LRP1B: variants seen among roughly 807,000 people sequenced by gnomAD.
The protein encoded by LRP1B is LDL receptor related protein 1B.
A neutral mutation model predicts 556.6 loss-of-function variants in LRP1B; 217 were observed. The ratio of observed to expected loss-of-function variants is 0.39; its 90% CI spans 0.35 to 0.44. The LOEUF is 0.44. Ranked by LOEUF, LRP1B falls within the 20% of genes least tolerant of loss-of-function variation. The pLI, the probability that LRP1B is intolerant of heterozygous loss-of-function variation, is 1.00. For missense variants in LRP1B, 5,053 were observed against 5,620.8 expected (o/e 0.90, Z 3.23); for synonymous variants, 2,047 against 1,865.8 (o/e 1.10, Z -2.50).
intron 3 of LRP1B, among the ~76,000 whole-genome samples, chr2:141,420,072 C>T (rs1242731243): frequency 2.6e-5 from 4 of 152,102 alleles, no homozygotes; most frequent in African/African-American, 7.2e-5. Flanking sequence ...TTATTGATCT[C>T]CTGTCTGGAT....
At chr2:140,647,075 A>T (rs1684510879) in intron 41 of LRP1B, among the ~76,000 whole-genome samples, 1 of 152,174 alleles carries the variant, frequency 6.6e-6, no homozygotes, top group African/African-American at 2.4e-5. Context: ...CAATTAAATG[A>T]AATAATTCCC....
At chr2:141,354,790 GA>G (rs1688567405) in intron 3 of LRP1B, among the ~76,000 whole-genome samples, 1 of 151,364 alleles carries the variant, frequency 6.6e-6, no homozygotes, top group Non-Finnish European at 1.5e-5. Context: ...AAAAAAAACT[GA>G]AAAAAATTTA....
chr2:140,878,863 T>C (rs1472465153), intron 25 of LRP1B, among the ~76,000 whole-genome samples: 1 of 151,704 alleles, frequency 6.6e-6, no homozygotes, highest in African/African-American at 2.4e-5. Context: ...AAACATTGGC[T>C]GGGCGTGGTG....
chr2:141,820,192 A>G (rs1417155027), intron 1 of LRP1B, among the ~76,000 whole-genome samples: 1 of 152,246 alleles, frequency 6.6e-6, no homozygotes, highest in African/African-American at 2.4e-5. Context: ...TCAGACTTTT[A>G]CAATAGCTGG....
At chr2:141,490,320 C>A (rs113390074) in intron 2 of LRP1B, among the ~76,000 whole-genome samples, 48 of 151,462 alleles carry the variant, frequency 3.2e-4, no homozygotes, top group African/African-American at 1.1e-3. Flanking sequence ...CATCCTTTTA[C>A]TGAAGGGTTT....
At chr2:140,865,974 A>T (rs1692937338) in intron 27 of LRP1B, among the ~76,000 whole-genome samples, 1 of 152,094 alleles carries the variant, frequency 6.6e-6, no homozygotes, top group South Asian at 2.1e-4. Flanking sequence ...ATGCCAATGC[A>T]GGCGAATTAG....
chr2:140,311,897 G>A (rs1348536469), intron 83 of LRP1B, among the ~76,000 whole-genome samples: 1 of 151,788 alleles, frequency 6.6e-6, no homozygotes, highest in East Asian at 1.9e-4. Context: ...GTACATATGT[G>A]ACTTGATATC....
At chr2:140,251,489 A>T (rs1170386391) in intron 86 of LRP1B, among the ~76,000 whole-genome samples, 2 of 151,832 alleles carry the variant, frequency 1.3e-5, no homozygotes, top group Non-Finnish European at 2.9e-5. Flanking sequence ...AAATAATGAG[A>T]TTAATATCTG....
chr2:140,563,327 G>A (rs902119915), intron 43 of LRP1B, among the ~76,000 whole-genome samples: 1 of 152,130 alleles, frequency 6.6e-6, no homozygotes, highest in South Asian at 2.1e-4. Flanking sequence ...ATAGTGCCAT[G>A]AAATAAAATT....
chr2:141,355,960 A>G (rs1351842034), intron 3 of LRP1B, among the ~76,000 whole-genome samples: 1 of 152,124 alleles, frequency 6.6e-6, no homozygotes, highest in Non-Finnish European at 1.5e-5. Context: ...GGAATTACCT[A>G]AATTACCAAA....
chr2:141,262,882 T>A (rs1030345764), intron 3 of LRP1B, among the ~76,000 whole-genome samples: 1 of 152,014 alleles, frequency 6.6e-6, no homozygotes, highest in Non-Finnish European at 1.5e-5. Flanking sequence ...AGATTCTAGG[T>A]CCTTTATATT....
intron 2 of LRP1B, among the ~76,000 whole-genome samples, chr2:141,642,188 G>T (rs763081122): frequency 6.6e-6 from 1 of 152,014 alleles, no homozygotes; most frequent in African/African-American, 2.4e-5. Flanking sequence ...TACACAAATA[G>T]GGAGTCTTAA....
chr2:140,551,172 T>A (rs1680534501), intron 43 of LRP1B, among the ~76,000 whole-genome samples: 1 of 152,182 alleles, frequency 6.6e-6, no homozygotes, highest in Non-Finnish European at 1.5e-5. Context: ...TATAGCAGCC[T>A]GAGCTAAAAG....
intron 2 of LRP1B, among the ~76,000 whole-genome samples, chr2:141,604,455 A>G (rs1313617627): frequency 6.6e-6 from 1 of 152,084 alleles, no homozygotes; most frequent in Non-Finnish European, 1.5e-5. Context: ...GTGGGTCTCC[A>G]GTGAAACCCA....
At chr2:140,263,427 T>A (rs1682039155) in intron 86 of LRP1B, among the ~76,000 whole-genome samples, 1 of 152,150 alleles carries the variant, frequency 6.6e-6, no homozygotes, top group African/African-American at 2.4e-5. Flanking sequence ...ATACCCTTGA[T>A]TTCTTCTTCA....
At chr2:140,572,898 C>A (rs1401891537) in intron 43 of LRP1B, among the ~76,000 whole-genome samples, 2 of 151,758 alleles carry the variant, frequency 1.3e-5, no homozygotes, top group East Asian at 3.9e-4. Flanking sequence ...GTGAAATAAA[C>A]CAGGCACAGA....
intron 83 of LRP1B, among the ~76,000 whole-genome samples, chr2:140,308,167 A>G (rs1684144024): frequency 6.6e-6 from 1 of 151,808 alleles, no homozygotes; most frequent in Admixed American, 6.6e-5. Context: ...ATATTTTTCA[A>G]TAACTTACTG....
intron 1 of LRP1B, among the ~76,000 whole-genome samples, chr2:141,825,261 C>T (rs1328039816): frequency 1.3e-5 from 2 of 152,138 alleles, no homozygotes; most frequent in East Asian, 1.9e-4. Context: ...AAGGGATTTA[C>T]GGAGATGGGG....
chr2:141,756,116 T>C (rs1485916334), intron 2 of LRP1B, among the ~76,000 whole-genome samples: 1 of 152,102 alleles, frequency 6.6e-6, no homozygotes, highest in African/African-American at 2.4e-5. Context: ...AATTCCCTAT[T>C]AATTATTGTC....
Sources: gnomAD v4.1 joint callset for allele counts (sites outside exome capture counted in the v4.1 genomes callset) on GRCh38, gnomAD v4.1.1 for gene constraint, MANE v1.5 for transcripts, NCBI Gene and HGNC (gene_info 2026-07-23, HGNC 2026-07-21) for gene names.